The following TJP1 variants were observed in gnomAD, a reference collection of about 807,000 sequenced individuals.
TJP1 encodes the protein tight junction protein 1.
TJP1 carries 43 observed loss-of-function variants against 194.2 expected under a neutral mutation model. The observed-to-expected ratio is 0.22, with a 90% confidence interval of 0.17 to 0.29. TJP1 has a LOEUF of 0.29. Ranked by LOEUF, TJP1 falls within the 10% of genes least tolerant of loss-of-function variation. The pLI, the probability that TJP1 is intolerant of heterozygous loss-of-function variation, is 1.00. For missense variants in TJP1, 1,971 were observed against 2,185.7 expected (o/e 0.90, Z 1.96); for synonymous variants, 801 against 779.0 (o/e 1.03, Z -0.47).
intron 18 of TJP1, 124 bp downstream of exon 18, chr15:29,726,255 G>T: frequency 1.2e-6 from 1 of 803,240 alleles, no homozygotes; most frequent in Non-Finnish European, 2.0e-6. Flanking sequence ...AAACCTAAAA[G>T]CTAACTTTCC....
In TJP1 at chr15:29,965,396, G is replaced by C. The variant is rs1323351100; in HGVS notation, c.173+3271C>G. 2.0e-5 allele frequency among the ~76,000 whole-genome samples: 3 copies of C among 151,984 alleles called. No individual in the cohort carries two copies. In the East Asian group the frequency reaches 5.8e-4, roughly 29 times the overall value. ...GGCTAATTTTTATATATTTTTAGTAGAGACAGGGTTTCACCATATTGACCA... is the reference window on the plus strand; with the variant it reads ...GGCTAATTTTTATATATTTTTAGTACAGACAGGGTTTCACCATATTGACCA... On this transcript the variant is annotated intron_variant, in intron 1 of 28. Transcript: ENST00000356107.
intron 2 of TJP1, among the ~76,000 whole-genome samples, chr15:29,944,311 G>A (rs1454536654): frequency 2.6e-5 from 4 of 151,762 alleles, no homozygotes; most frequent in Non-Finnish European, 4.4e-5. Flanking sequence ...TACCCAGGAT[G>A]GTCTCGACCT....
intron 21 of TJP1, 33 bp downstream of exon 21, chr15:29,718,233 C>A (rs746195215): frequency 6.2e-7 from 1 of 1,601,144 alleles, no homozygotes; most frequent in East Asian, 2.2e-5. Context: ...AAACGGTGTG[C>A]CCATGCATCC....
chr15:29,754,805 G>A (rs2045538649), intron 8 of TJP1, among the ~76,000 whole-genome samples: 1 of 152,074 alleles, frequency 6.6e-6, no homozygotes, highest in South Asian at 2.1e-4. Flanking sequence ...CTCAAGTTTT[G>A]GATTTTGGAG....
At chr15:29,891,919 C>A (rs1439898116) in intron 2 of TJP1, among the ~76,000 whole-genome samples, 1 of 152,130 alleles carries the variant, frequency 6.6e-6, no homozygotes, top group Non-Finnish European at 1.5e-5. Flanking sequence ...AGTAAAAGGT[C>A]TAAGGGTTCA....
intron 1 of TJP1, among the ~76,000 whole-genome samples, chr15:29,967,003 A>C (rs1479786098): frequency 6.7e-6 from 1 of 149,292 alleles, no homozygotes; most frequent in East Asian, 2.0e-4. Flanking sequence ...CTTGCTGTTC[A>C]TCACATTAAA....
intron 2 of TJP1, among the ~76,000 whole-genome samples, chr15:29,856,157 T>A (rs1355353641): frequency 1.3e-5 from 2 of 152,048 alleles, no homozygotes; most frequent in African/African-American, 4.8e-5. Flanking sequence ...CCAGGAGAGG[T>A]GGCATGCACC....
intron 1 of TJP1, among the ~76,000 whole-genome samples, chr15:29,966,991 C>T (rs1454192613): frequency 1.3e-5 from 2 of 151,688 alleles, no homozygotes; most frequent in Non-Finnish European, 2.9e-5. Flanking sequence ...TAAGTGTTGT[C>T]ACTTGCTGTT....
At chr15:29,965,110 A>G (rs2056287343) in intron 1 of TJP1, among the ~76,000 whole-genome samples, 2 of 152,228 alleles carry the variant, frequency 1.3e-5, no homozygotes, top group African/African-American at 4.8e-5. Context: ...CAGTAAAGAC[A>G]GAGAAACACA....
intron 2 of TJP1, among the ~76,000 whole-genome samples, chr15:29,859,208 T>A (rs1376192615): frequency 6.6e-6 from 1 of 152,242 alleles, no homozygotes; most frequent in Admixed American, 6.5e-5. Context: ...ATTTTAAACC[T>A]ATATATAGAA....
At chr15:29,779,380 C>A (rs118045674) in intron 2 of TJP1, among the ~76,000 whole-genome samples, 51 of 152,296 alleles carry the variant, frequency 3.3e-4, no homozygotes, top group Admixed American at 6.5e-4. Context: ...CTTTCTCCCC[C>A]ACACCTTGGA....
intron 5 of TJP1, among the ~76,000 whole-genome samples, chr15:29,764,301 G>A (rs1279953619): frequency 6.6e-6 from 1 of 152,142 alleles, no homozygotes; most frequent in Non-Finnish European, 1.5e-5. Context: ...GTTTGTGGGG[G>A]AGGGGATGCA....
At chr15:29,738,471 T>G (rs778186527) in intron 10 of TJP1, among the ~76,000 whole-genome samples, 7 of 152,188 alleles carry the variant, frequency 4.6e-5, no homozygotes, top group Admixed American at 2.0e-4. Context: ...AACTTACTAT[T>G]TATTCATTTC....
intron 23 of TJP1, among the ~76,000 whole-genome samples, chr15:29,711,985 TACAAGGTTCA>T: frequency 6.6e-6 from 1 of 152,226 alleles, no homozygotes; most frequent in African/African-American, 2.4e-5. Flanking sequence ...TGCTTTATTT[TACAAGGTTCA>T]TTTAAGTCAA....
intron 2 of TJP1, among the ~76,000 whole-genome samples, chr15:29,785,344 G>A (rs2047634282): frequency 6.6e-6 from 1 of 152,140 alleles, no homozygotes; most frequent in Non-Finnish European, 1.5e-5. Flanking sequence ...CTGGACACTA[G>A]CCATGCCCAT....
intron 2 of TJP1, among the ~76,000 whole-genome samples, chr15:29,945,356 A>AAG (rs1156933986): frequency 7.2e-5 from 11 of 152,378 alleles, no homozygotes; most frequent in African/African-American, 2.6e-4. Flanking sequence ...TCTTTTCACT[A>AAG]ATTTCCAAAG....
chr15:29,798,231 A>G (rs1015735495), intron 2 of TJP1, among the ~76,000 whole-genome samples: 1 of 149,890 alleles, frequency 6.7e-6, no homozygotes, highest in South Asian at 2.1e-4. Flanking sequence ...TCTCCCTCCC[A>G]AAGTGCTGGG....
At chr15:29,912,146 A>G (rs1405704090) in intron 2 of TJP1, among the ~76,000 whole-genome samples, 3 of 152,096 alleles carry the variant, frequency 2.0e-5, no homozygotes. Context: ...CATGGTGGAG[A>G]GAGAAAAGAA....
intron 13 of TJP1, 113 bp downstream of exon 13, chr15:29,732,981 G>A (rs771897385): frequency 7.7e-6 from 10 of 1,301,504 alleles, no homozygotes; most frequent in Non-Finnish European, 1.1e-5. Context: ...TTATAGATAC[G>A]TTGAATACAA....
Sources: allele counts gnomAD v4.1 joint callset (sites outside exome capture counted in the v4.1 genomes callset), GRCh38; gene constraint gnomAD v4.1.1; transcripts MANE v1.5; gene names NCBI Gene and HGNC (gene_info 2026-07-23, HGNC 2026-07-21).